Variants in DSC2 observed in about 807,000 individuals in gnomAD.
The protein encoded by DSC2 is desmocollin-2.
Under a neutral mutation model 87.6 loss-of-function variants are expected in DSC2, and 51 were observed. That is an observed-to-expected ratio of 0.58 (90% CI 0.46 to 0.74). The LOEUF (loss-of-function observed/expected upper bound fraction) is 0.74. Among genes scored for constraint, DSC2 ranks in the 30% least tolerant of loss-of-function variants. The pLI is 0.00. For synonymous variants in DSC2, 383 were observed against 393.2 expected (o/e 0.97, Z 0.31); for missense variants, 1,066 against 1,089.5 (o/e 0.98, Z 0.30).
intron 2 of DSC2, 53 bp downstream of exon 2, chr18:31,093,506 G>A (rs373064985): frequency 2.4e-5 from 33 of 1,388,378 alleles, no homozygotes; most frequent in Middle Eastern, 1.8e-4. Flanking sequence ...ATTCCATGGC[G>A]TATATGTACC....
chr18:31,092,545 C>T (rs1247595078), intron 2 of DSC2, among the ~76,000 whole-genome samples: 1 of 152,148 alleles, frequency 6.6e-6, no homozygotes, highest in African/African-American at 2.4e-5. Flanking sequence ...CATATGTGAG[C>T]TCCAGTGTTT....
In DSC2 at chr18:31,068,585, G is replaced by A. The variant is rs75543658; in HGVS notation, c.2508+309C>T. ...AGTGATAGTACATGCTGGTCTTGCTGGTACCACATTTTTGGTTTCTAAGGT... is the reference window on the plus strand; with the variant it reads ...AGTGATAGTACATGCTGGTCTTGCTAGTACCACATTTTTGGTTTCTAAGGT... On this transcript the variant is annotated intron_variant, in intron 15 of 15. Coordinates refer to ENST00000280904, the MANE Select transcript of DSC2 (RefSeq NM_024422.6). Among the ~76,000 whole-genome samples, 1,262 of 152,154 alleles carry A rather than the reference G, an allele frequency of 8.3e-3. 26 individuals are homozygous for A. The highest frequency in any genetic ancestry group is 0.028 in the African/African-American group (1,163 of 41,506).
chr18:31,087,893 AC>A lies in DSC2; in HGVS notation c.631-81del, dbSNP rs2144834490. 3 of 1,444,208 alleles carry A rather than the reference AC, an allele frequency of 2.1e-6. No individual in the cohort carries two copies. The East Asian group carries it at 6.9e-5, about 33-fold the overall frequency. The allele number at this position is 1,444,208 out of a possible 1,614,324, so 89.5% of individuals were successfully genotyped here. A position where few individuals can be genotyped will look rare whatever the true frequency, so the allele number is the denominator to read the frequency against. On this transcript the variant is annotated intron_variant, in intron 5 of 15. Coordinates refer to ENST00000280904, the MANE Select transcript of DSC2 (RefSeq NM_024422.6). ...ATGCTTCAAATTCATTTTGGCTTTA[AC>A]TTGGAGACTGTTCAGAACTACAGTA...
Position 31,068,040 on chromosome 18 carries a change from A to G in DSC2, c.2681T>C (p.Leu894Pro). ...LDNLEPKFRT[L>P]AEACMKR Reference sequence around the variant, plus strand: ...TCATCTCTTCATGCATGCTTCTGCTAGTGTCCTAAATTTGGGCTCCAAATT... The same window carrying G: ...TCATCTCTTCATGCATGCTTCTGCTGGTGTCCTAAATTTGGGCTCCAAATT... Residue 894 changes from leucine (L) to proline (P), a missense_variant, in exon 16 of 16, where the codon CTA (leucine) becomes CCA (proline). Leu to Pro is a moderately conservative substitution (Grantham distance 98). Coordinates refer to ENST00000280904, the MANE Select transcript of DSC2 (RefSeq NM_024422.6). The G allele has an allele frequency of 6.2e-7, 1 of 1,613,950 alleles. No homozygotes were observed. The highest frequency in any genetic ancestry group is 2.2e-5 in the East Asian group (1 of 44,848).
Position 31,092,902 on chromosome 18 carries a change from C to T in DSC2, c.155-602G>A, listed in dbSNP as rs564059445. On this transcript the variant is annotated intron_variant, in intron 2 of 15. Coordinates refer to ENST00000280904, the MANE Select transcript of DSC2 (RefSeq NM_024422.6). ...AATTTTTTAGAGGCATGTTAAATGT[C>T]TTTATCTTTTCTCTAAAGTAAATGT... Among the ~76,000 whole-genome samples the T allele has an allele frequency of 1.9e-3, 286 of 152,182 alleles. 2 individuals carry two copies. Among genetic ancestry groups the T allele is most frequent in the South Asian group, 7.9e-3 (38 of 4,832 alleles).
rs796756333 is a variant in DSC2 at position 31,083,061 on chromosome 18, C to T, written c.943-1G>A. ...TTTTCAACTGGTACTTGTCAATTAA[C>T]TGAAAACAAAAAAAGAATTTAATTA... On this transcript the variant is annotated splice_acceptor_variant, in intron 7 of 15. Coordinates refer to ENST00000280904, the MANE Select transcript of DSC2 (RefSeq NM_024422.6). LOFTEE classifies it high-confidence loss of function. 8 of 1,610,102 alleles carry T rather than the reference C, an allele frequency of 5.0e-6. No individual in the cohort carries two copies. The highest frequency in any genetic ancestry group is 1.3e-5 in the African/African-American group (1 of 74,718).
rs774641579 is a variant in DSC2, at chr18:31,080,180, C to A, written c.1436G>T (p.Arg479Leu). ...TCCCACTTCTGCATTTTCTTTCATG[C>A]GAACAGTCTGTATTGGAGGGTTACA... The part of the protein sequence containing the change: ...PECNPPIQTV[R>L]MKENAEVGTT... Residue 479 changes from arginine (R) to leucine (L), a missense_variant, in exon 10 of 16, where the codon CGC becomes CTC. By Grantham distance (102) the Arg-to-Leu change is moderately radical. Transcript: ENST00000280904. 24 of 1,613,988 alleles carry A rather than the reference C, an allele frequency of 1.5e-5. No homozygotes were observed. The highest frequency in any genetic ancestry group is 3.3e-4 in the Middle Eastern group (2 of 6,062).
At chr18:31,090,735 G>C (rs567365104) in intron 4 of DSC2, among the ~76,000 whole-genome samples, 2 of 152,134 alleles carry the variant, frequency 1.3e-5, no homozygotes, top group Non-Finnish European at 2.9e-5. Flanking sequence ...ATGCAAGAGA[G>C]TTTTGGGTTT....
intron 5 of DSC2, among the ~76,000 whole-genome samples, chr18:31,089,201 A>G (rs1200447053): frequency 6.7e-6 from 1 of 150,066 alleles, no homozygotes; most frequent in Non-Finnish European, 1.5e-5. Flanking sequence ...TCAAAGTGGT[A>G]CTGTTGTGGG....
At position 31,070,600 on chromosome 18, in the gene DSC2, C is replaced by T. The variant is rs1986789511; in HGVS notation, c.2250+126G>A. 40 of 1,285,336 alleles carry T rather than the reference C, an allele frequency of 3.1e-5. 1 individual carries two copies. The South Asian group carries it at 4.6e-4, about 15-fold the overall frequency. The allele number at this position is 1,285,336 out of a possible 1,614,324, so 79.6% of individuals were successfully genotyped here. ...AGTCATTTTATCTGTTTCAGGGGAC[C>T]CATGACATTCTATGGTAAATTGCCT... On this transcript the variant is annotated intron_variant, in intron 14 of 15. Transcript: ENST00000280904.
chr18:31,096,344 G>C (rs1987760057), intron 1 of DSC2, among the ~76,000 whole-genome samples: 1 of 152,138 alleles, frequency 6.6e-6, no homozygotes, highest in Non-Finnish European at 1.5e-5. Flanking sequence ...GTGATAAGAG[G>C]AACTCAGGAA....
rs180728052 is a variant in DSC2, at chr18:31,066,540, C to G, written c.*1475G>C. 2.3e-3 allele frequency: 352 copies of G among 151,878 alleles called. 3 individuals are homozygous for G. Among genetic ancestry groups the G allele is most frequent in the African/African-American group, 8.2e-3 (338 of 41,424 alleles). The allele number at this position is 151,878 out of a possible 1,614,324, so 9.4% of individuals were successfully genotyped here. On this transcript the variant is annotated 3_prime_UTR_variant, in exon 16 of 16. Coordinates refer to ENST00000280904, the MANE Select transcript of DSC2 (RefSeq NM_024422.6). ...TAATCTGGCAAATAATTGTTATAAC[C>G]CAATCTTGTGAATTGAAGACAGGCA...
At chr18:31,087,204 A>G (rs1476653421) in intron 6 of DSC2, among the ~76,000 whole-genome samples, 1 of 152,212 alleles carries the variant, frequency 6.6e-6, no homozygotes, top group South Asian at 2.1e-4. Flanking sequence ...AAATGTTTGT[A>G]TTATTCTCAG....
chr18:31,078,110 C>T (rs555948489), intron 11 of DSC2, among the ~76,000 whole-genome samples: 1 of 152,220 alleles, frequency 6.6e-6, no homozygotes, highest in South Asian at 2.1e-4. Context: ...TGAGCACCAG[C>T]CCAAGACAGC....
intron 5 of DSC2, among the ~76,000 whole-genome samples, chr18:31,088,352 G>A (rs1344758389): frequency 6.6e-6 from 1 of 152,120 alleles, no homozygotes; most frequent in Non-Finnish European, 1.5e-5. Context: ...TGAAACAAAT[G>A]AATGGTGGTA....
intron 1 of DSC2, among the ~76,000 whole-genome samples, chr18:31,100,760 T>C (rs911148761): frequency 6.6e-6 from 1 of 152,184 alleles, no homozygotes; most frequent in East Asian, 1.9e-4. Context: ...TTCCTCCCTT[T>C]GTCCTTCAAG....
intron 1 of DSC2, chr18:31,101,264 A>G (rs1471995125): frequency 4.1e-6 from 4 of 984,780 alleles, no homozygotes; most frequent in Non-Finnish European, 4.8e-6. Flanking sequence ...AAGGGTCAAG[A>G]TCCCCTCCCC....
chr18:31,078,756 C>A (rs1987103522), intron 11 of DSC2, among the ~76,000 whole-genome samples: 2 of 152,112 alleles, frequency 1.3e-5, no homozygotes, highest in African/African-American at 2.4e-5. Context: ...TCCAAAATCA[C>A]TTCTAAATTC....
Position 31,101,961 on chromosome 18 carries a change from G to A in DSC2, c.11C>T (p.Ala4Val), listed in dbSNP as rs1196096745. 6.6e-7 allele frequency: 1 copy of A among 1,525,854 alleles called. No individual in the cohort carries two copies. Among genetic ancestry groups the A allele is most frequent in the Non-Finnish European group, 8.8e-7 (1 of 1,142,306 alleles). 94.5% of individuals were successfully genotyped at this position (1,525,854 alleles called of 1,614,324 possible). A position where few individuals can be genotyped will look rare whatever the true frequency, so the allele number is the denominator to read the frequency against. The change falls in exon 1 of 16, where the codon GCC becomes GTC. Residue 4 changes from alanine to valine, a missense_variant. By Grantham distance (64) the Ala-to-Val change is moderately conservative. Transcript: ENST00000280904. MEA[A>V]RPSGSWNGAL... ...TCCGTTCCAGGAGCCGGAGGGGCGG[G>A]CTGCCTCCATGGAGAGGGCTCGGGG...
Sources: gnomAD v4.1 joint callset for allele counts (sites outside exome capture counted in the v4.1 genomes callset) on GRCh38, gnomAD v4.1.1 for gene constraint, MANE v1.5 for transcripts, NCBI Gene and HGNC (gene_info 2026-07-23, HGNC 2026-07-21) for gene names.